Variants in BRAF observed in about 807,000 individuals in gnomAD.
The protein encoded by BRAF is B-Raf proto-oncogene, serine/threonine kinase, also known as serine/threonine-protein kinase B-raf.
BRAF carries 16 observed loss-of-function variants against 104.6 expected under a neutral mutation model. The observed-to-expected ratio is 0.15, with a 90% confidence interval of 0.10 to 0.23. BRAF has a LOEUF of 0.23. Ranked by LOEUF, BRAF falls within the 10% of genes least tolerant of loss-of-function variation. The pLI is 1.00. For missense variants in BRAF, 541 were observed against 937.3 expected, an observed-to-expected ratio of 0.58 and a Z score of 5.52; for synonymous variants, 310 against 341.6, an observed-to-expected ratio of 0.91 and a Z score of 1.02.
chr7:140,747,786 T>C (rs1797471994), intron 17 of BRAF, among the ~76,000 whole-genome samples: 1 of 152,194 alleles, frequency 6.6e-6, no homozygotes, highest in Non-Finnish European at 1.5e-5. Context: ...ACCATTTTGC[T>C]ACCCCAACTG....
chr7:140,880,444 C>A (rs998353092), intron 1 of BRAF, among the ~76,000 whole-genome samples: 22 of 147,684 alleles, frequency 1.5e-4, no homozygotes, highest in Non-Finnish European at 2.8e-4. Flanking sequence ...GAAGTTTTGA[C>A]CCCTCAAAGT....
chr7:140,910,815 T>C (rs904675974), intron 1 of BRAF, among the ~76,000 whole-genome samples: 1 of 151,888 alleles, frequency 6.6e-6, no homozygotes, highest in African/African-American at 2.4e-5. Flanking sequence ...TGGGACTACA[T>C]GTGGATGCCA....
Position 140,720,175 on chromosome 7 carries a change from A to G in BRAF, c.*6319T>C, listed in dbSNP as rs2130815714. The G allele has an allele frequency of 3.8e-6, 4 of 1,062,422 alleles. No homozygotes were observed. Among genetic ancestry groups the G allele is most frequent in the Non-Finnish European group, 4.6e-6 (4 of 877,472 alleles). 65.8% of individuals were successfully genotyped at this position (1,062,422 alleles called of 1,614,324 possible). A position where few individuals can be genotyped will look rare whatever the true frequency, so the allele number is the denominator to read the frequency against. On this transcript the variant is annotated 3_prime_UTR_variant, in exon 20 of 20. Transcript: ENST00000644969. ...TGATCCTATCTTAGGAAAGGCAGCA[A>G]TTGCCATGTTGAGGAAAGGATCAGA...
At chr7:140,905,688 T>G (rs1356577569) in intron 1 of BRAF, among the ~76,000 whole-genome samples, 1 of 151,412 alleles carries the variant, frequency 6.6e-6, no homozygotes, top group Non-Finnish European at 1.5e-5. Flanking sequence ...CTACTGGTTC[T>G]TTCTTTTCTT....
chr7:140,838,581 A>AT (rs963627394), intron 2 of BRAF, among the ~76,000 whole-genome samples: 13 of 151,562 alleles, frequency 8.6e-5, no homozygotes, highest in South Asian at 4.2e-4. Flanking sequence ...CAAAATCTCA[A>AT]TTTTTTTTTG....
rs1372257667 is a variant in BRAF, at chr7:140,924,602, C to T, written c.102G>A (p.Ala34=). Residue 34 remains alanine (A), a synonymous_variant, in exon 1 of 20, where the codon GCG becomes GCA. Transcript: ENST00000644969. The surrounding 1 kb of genome is among the most constrained non-coding windows in gnomAD (Gnocchi z 4.2). The part of the protein sequence containing the change: ...EPEAGAGAGA[A]ASSAADPAIP... ...TGGCAGGGTCCGCAGCCGAAGAGGC[C>T]GCGGCGCCGGCGCCGGCGCCGGCCT... is the stretch of plus-strand genomic sequence containing the variant. 2 of 1,527,872 alleles carry T rather than the reference C, an allele frequency of 1.3e-6. No homozygotes were observed. The highest frequency in any genetic ancestry group is 1.7e-6 in the Non-Finnish European group (2 of 1,143,482). 94.6% of individuals were successfully genotyped at this position (1,527,872 alleles called of 1,614,324 possible).
In BRAF at chr7:140,808,888, A is replaced by G. The variant is rs757973379; in HGVS notation, c.608+4T>C. The G allele has an allele frequency of 8.7e-6, 14 of 1,607,692 alleles. No homozygotes were observed. In the East Asian group the frequency reaches 2.9e-4, roughly 33 times the overall value. On this transcript the variant is annotated splice_donor_region_variant and intron_variant, in intron 4 of 19. Coordinates refer to ENST00000644969, the MANE Select transcript of BRAF (RefSeq NM_001374258.1). ...CAAAATTTCACGTCACATACAAACC[A>G]TACCCATCCTGAATTCTGTAAACAG...
chr7:140,789,177 C>T (rs1022862347), intron 8 of BRAF, among the ~76,000 whole-genome samples: 4 of 151,732 alleles, frequency 2.6e-5, no homozygotes, highest in African/African-American at 9.7e-5. Flanking sequence ...CCACTGCACT[C>T]CAGCCTGGGT....
intron 1 of BRAF, among the ~76,000 whole-genome samples, chr7:140,870,371 C>T (rs1234172292): frequency 6.6e-6 from 1 of 152,050 alleles, no homozygotes; most frequent in African/African-American, 2.4e-5. Context: ...AAAATAGAAA[C>T]ATTTCAAAAA....
At position 140,738,966 on chromosome 7, in the gene BRAF, G is replaced by GAA. The variant is rs56672171; in HGVS notation, c.2247+844_2247+845dup. Among the ~76,000 whole-genome samples, 653 of 118,944 alleles carry GAA rather than the reference G, an allele frequency of 5.5e-3. 7 individuals carry two copies. The highest frequency in any genetic ancestry group is 0.017 in the African/African-American group (605 of 35,002). 78.0% of individuals were successfully genotyped at this position (118,944 alleles called of 152,430 possible). A position where few individuals can be genotyped will look rare whatever the true frequency, so the allele number is the denominator to read the frequency against. On this transcript the variant is annotated intron_variant, in intron 18 of 19. Coordinates refer to ENST00000644969, the MANE Select transcript of BRAF (RefSeq NM_001374258.1). ...CTTAAGGCTTTATCCTTCCAATATG[G>GAA]AAAAAAAAAAAAAAAAGCAGTGAGT...
chr7:140,766,138 T>C (rs1366327765), intron 14 of BRAF, among the ~76,000 whole-genome samples: 1 of 152,108 alleles, frequency 6.6e-6, no homozygotes, highest in Non-Finnish European at 1.5e-5. Context: ...ATGTCCTTTG[T>C]AGGGACATGG....
In BRAF at chr7:140,725,007, T is replaced by A. The variant is rs1380653874; in HGVS notation, c.*1487A>T. ...TGCCAGTTCTTTCTATAAAAACAACTGATGACAGCTTTCCCACACCCTCCC... is the reference window on the plus strand; with the variant it reads ...TGCCAGTTCTTTCTATAAAAACAACAGATGACAGCTTTCCCACACCCTCCC... On this transcript the variant is annotated 3_prime_UTR_variant, in exon 20 of 20. Transcript: ENST00000644969. 3 of 1,046,408 alleles carry A rather than the reference T, an allele frequency of 2.9e-6. No individual in the cohort carries two copies. Among genetic ancestry groups the A allele is most frequent in the African/African-American group, 3.3e-5 (2 of 60,056 alleles). 64.8% of individuals were successfully genotyped at this position (1,046,408 alleles called of 1,614,324 possible).
intron 1 of BRAF, among the ~76,000 whole-genome samples, chr7:140,899,589 T>C (rs1016253008): frequency 1.3e-5 from 2 of 152,230 alleles, no homozygotes; most frequent in African/African-American, 4.8e-5. Context: ...TTTCCCTAAT[T>C]GTTAACTAGA....
At chr7:140,877,830 T>C (rs1419969564) in intron 1 of BRAF, among the ~76,000 whole-genome samples, 1 of 152,118 alleles carries the variant, frequency 6.6e-6, no homozygotes, top group African/African-American at 2.4e-5. Flanking sequence ...ATCTTTTATA[T>C]TCACAAGATA....
Position 140,723,225 on chromosome 7 carries a change from T to C in BRAF, c.*3269A>G. 4 of 1,054,608 alleles carry C rather than the reference T, an allele frequency of 3.8e-6. No individual in the cohort carries two copies. The highest frequency in any genetic ancestry group is 4.6e-6 in the Non-Finnish European group (4 of 872,658). 65.3% of individuals were successfully genotyped at this position (1,054,608 alleles called of 1,614,324 possible). A position where few individuals can be genotyped will look rare whatever the true frequency, so the allele number is the denominator to read the frequency against. On this transcript the variant is annotated 3_prime_UTR_variant, in exon 20 of 20. Coordinates refer to ENST00000644969, the MANE Select transcript of BRAF (RefSeq NM_001374258.1). ...GTGCAGCAGCTCGCACTCCGCCTGG[T>C]GAATACAAGGTAACATCCTGTGATG...
intron 3 of BRAF, among the ~76,000 whole-genome samples, chr7:140,832,611 C>T (rs1043943398): frequency 7.9e-5 from 12 of 152,080 alleles, no homozygotes; most frequent in African/African-American, 2.9e-4. Context: ...TTTAAGTTCA[C>T]GATATACAGT....
chr7:140,779,847 G>T (rs774053881), intron 12 of BRAF: 9 of 152,222 alleles, frequency 5.9e-5, no homozygotes, highest in African/African-American at 9.7e-5. Flanking sequence ...TAGGAGAACT[G>T]CTTGAATCTG....
chr7:140,909,902 C>A (rs1037924568), intron 1 of BRAF, among the ~76,000 whole-genome samples: 18 of 151,968 alleles, frequency 1.2e-4, no homozygotes, highest in Non-Finnish European at 2.4e-4. Flanking sequence ...TCATTATGAT[C>A]ACTTTTTTTT....
At chr7:140,868,599 G>A (rs1223613335) in intron 1 of BRAF, among the ~76,000 whole-genome samples, 2 of 152,100 alleles carry the variant, frequency 1.3e-5, no homozygotes, top group Non-Finnish European at 2.9e-5. Context: ...GAATGGCTAA[G>A]GGTGTGGGGT....
Sources: gnomAD v4.1 joint callset for allele counts (sites outside exome capture counted in the v4.1 genomes callset) on GRCh38, gnomAD v4.1.1 for gene constraint, Gnocchi (gnomAD v3.1) non-coding constraint, MANE v1.5 for transcripts, NCBI Gene and HGNC (gene_info 2026-07-23, HGNC 2026-07-21) for gene names.